The following ACTN1 variants were observed in gnomAD, a reference collection of about 807,000 sequenced individuals.
ACTN1 encodes the protein actinin alpha 1.
ACTN1 carries 30 observed loss-of-function variants against 119.6 expected under a neutral mutation model. The observed-to-expected ratio is 0.25, with a 90% CI of 0.19 to 0.34. The LOEUF (loss-of-function observed/expected upper bound fraction) is 0.34. Among genes scored for constraint, ACTN1 ranks in the 10% least tolerant of loss-of-function variants. The pLI, the probability that ACTN1 is intolerant of heterozygous loss-of-function variation, is 1.00. For synonymous variants in ACTN1, 429 were observed against 472.6 expected (o/e 0.91, Z 1.20); for missense variants, 764 against 1,223.4 (o/e 0.62, Z 5.60).
chr14:68,889,498 A>T (rs1265225229), intron 11 of ACTN1, among the ~76,000 whole-genome samples: 1 of 152,244 alleles, frequency 6.6e-6, no homozygotes. Flanking sequence ...ATAATTCCTT[A>T]AGATGACATT....
intron 14 of ACTN1, 111 bp from the exon 15 acceptor site, chr14:68,883,166 A>G (rs957125710): frequency 7.0e-6 from 8 of 1,150,794 alleles, no homozygotes; most frequent in African/African-American, 1.5e-5. Context: ...GGAGGCATCA[A>G]TTCAAAGATT....
intron 1 of ACTN1, among the ~76,000 whole-genome samples, chr14:68,973,165 C>T (rs1240246743): frequency 2.6e-5 from 4 of 152,122 alleles, no homozygotes; most frequent in African/African-American, 4.8e-5. Flanking sequence ...CCTCTCCATG[C>T]GTTTCCCCCC....
rs139768157 is a variant in ACTN1, at chr14:68,945,689, G to T, written c.106-20017C>A. Among the ~76,000 whole-genome samples, 58 of 152,278 alleles carry T rather than the reference G, an allele frequency of 3.8e-4. No individual in the cohort carries two copies. The East Asian group carries it at 7.9e-3, about 21-fold the overall frequency. On this transcript the variant is annotated intron_variant, in intron 1 of 21. Transcript: ENST00000394419. ...GGAGAGACGGGGAGGAGGGGCAGAG[G>T]CCACACCCAGATTTTCAGACCTGAG...
rs934582310 is a variant in ACTN1, at chr14:68,884,152, T to C, written c.1635+16A>G. The stretch of plus-strand genomic sequence containing the variant: ...CCCAGGGGAGCCAGCCTCCGGGGAG[T>C]GGAGGTGGGGCTCACCTGGATCTCC... On this transcript the variant is annotated intron_variant, in intron 14 of 21. Coordinates refer to ENST00000394419, the MANE Select transcript of ACTN1 (RefSeq NM_001130004.2). 2 of 1,598,228 alleles carry C rather than the reference T, an allele frequency of 1.3e-6. No homozygotes were observed. The highest frequency in any genetic ancestry group is 1.1e-5 in the South Asian group (1 of 89,524).
At chr14:68,905,230 G>T (rs991206059) in intron 6 of ACTN1, among the ~76,000 whole-genome samples, 1 of 118,242 alleles carries the variant, frequency 8.5e-6, no homozygotes, top group Non-Finnish European at 2.0e-5. Flanking sequence ...CATGAAATTT[G>T]GGGGCTCCTT....
At chr14:68,881,621 G>A (rs898900851) in intron 16 of ACTN1, among the ~76,000 whole-genome samples, 2 of 152,172 alleles carry the variant, frequency 1.3e-5, no homozygotes, top group African/African-American at 2.4e-5. Flanking sequence ...GCAGGGGAGC[G>A]ACACATACCA....
At position 68,880,099 on chromosome 14, in the gene ACTN1, C is replaced by T; in HGVS notation, c.2143G>A (p.Val715Met). The T allele has an allele frequency of 6.2e-7, 1 of 1,613,984 alleles. No individual in the cohort carries two copies. Among genetic ancestry groups the T allele is most frequent in the South Asian group, 1.1e-5 (1 of 91,078 alleles). ...HTNYTMEHIR[V>M]GWEQLLTTIA... Reference sequence around the variant, plus strand: ...GTGGTGAGCAGCTGCTCCCAGCCCACACGGATGTGCTGCAGGACGGCAAGG... The same window carrying T: ...GTGGTGAGCAGCTGCTCCCAGCCCATACGGATGTGCTGCAGGACGGCAAGG... The change falls in exon 18 of 22, where the codon GTG (valine) becomes ATG (methionine). Residue 715 changes from valine (V) to methionine (M), a missense_variant. Physicochemically the swap from Val to Met is conservative, Grantham distance 21. Around this residue, in one of 4 missense-constraint regions of ACTN1, gnomAD observed 544 missense variants for 912.0 expected, o/e 0.60. Coordinates refer to ENST00000394419, the MANE Select transcript of ACTN1 (RefSeq NM_001130004.2). This position sits in a 1 kb window ranked among gnomAD's most constrained non-coding sequence, Gnocchi z 4.6.
intron 1 of ACTN1, among the ~76,000 whole-genome samples, chr14:68,959,667 A>G (rs1017738758): frequency 1.3e-5 from 2 of 152,200 alleles, no homozygotes; most frequent in African/African-American, 4.8e-5. Context: ...TAAAAAAATC[A>G]AACTCATAGA....
intron 1 of ACTN1, among the ~76,000 whole-genome samples, chr14:68,952,196 A>T (rs1235950197): frequency 2.0e-5 from 3 of 152,198 alleles, no homozygotes; most frequent in African/African-American, 7.2e-5. Context: ...GGTAGTCTAG[A>T]CATCCTAGGG....
rs888612219 is a variant in ACTN1, at chr14:68,877,298, T to G, written c.2428-58A>C. ...CCCATGGCCTGCTGGGAATATCTCATATGGACTGAAGACCCTGGGGGCTCA... is the reference window on the plus strand; with the variant it reads ...CCCATGGCCTGCTGGGAATATCTCAGATGGACTGAAGACCCTGGGGGCTCA... On this transcript the variant is annotated intron_variant, in intron 20 of 21. Coordinates refer to ENST00000394419, the MANE Select transcript of ACTN1 (RefSeq NM_001130004.2). 3.1e-6 allele frequency: 5 copies of G among 1,601,238 alleles called. No homozygotes were observed. The Admixed American group carries it at 8.4e-5, about 27-fold the overall frequency.
intron 1 of ACTN1, among the ~76,000 whole-genome samples, chr14:68,944,266 G>A (rs113144753): frequency 3.3e-5 from 5 of 152,208 alleles, no homozygotes; most frequent in African/African-American, 1.2e-4. Flanking sequence ...TAATTAAAGG[G>A]GCCACCAAGC....
At chr14:68,970,721 G>A (rs913653889) in intron 1 of ACTN1, among the ~76,000 whole-genome samples, 5 of 152,224 alleles carry the variant, frequency 3.3e-5, no homozygotes, top group African/African-American at 9.6e-5. Context: ...ATTCCTGACA[G>A]TTACTGCTTC....
chr14:68,885,032 C>A lies in ACTN1; in HGVS notation c.1386-149G>T. 3 of 654,268 alleles carry A rather than the reference C, an allele frequency of 4.6e-6. No homozygotes were observed. The highest frequency in any genetic ancestry group is 8.0e-6 in the Non-Finnish European group (3 of 376,424). 40.5% of individuals were successfully genotyped at this position (654,268 alleles called of 1,614,324 possible). On this transcript the variant is annotated intron_variant, in intron 12 of 21. Coordinates refer to ENST00000394419, the MANE Select transcript of ACTN1 (RefSeq NM_001130004.2). This position sits in a 1 kb window ranked among gnomAD's most constrained non-coding sequence, Gnocchi z 5.6. ...AGAGACCTTCCAGGCACTCCTTCCACCCCTCCCCTCTTTCAGGAGACTGGC... is the reference window on the plus strand; with the variant it reads ...AGAGACCTTCCAGGCACTCCTTCCAACCCTCCCCTCTTTCAGGAGACTGGC...
At position 68,909,972 on chromosome 14, in the gene ACTN1, G is replaced by T. The variant is rs1022027287; in HGVS notation, c.498C>A (p.Ile166=). ...RKTAPYKNVN[I]QNFHISWKDG... is the part of the protein sequence containing the mutation. The stretch of plus-strand genomic sequence containing the variant: ...GCACTCACCTTATGTGGAAGTTCTG[G>T]ATGTTGACATTTTTGTAAGGGGCTG... The change falls in exon 5 of 22, where the codon ATC becomes ATA. Residue 166 remains isoleucine, a synonymous_variant. Coordinates refer to ENST00000394419, the MANE Select transcript of ACTN1 (RefSeq NM_001130004.2). This position sits in a 1 kb window ranked among gnomAD's most constrained non-coding sequence, Gnocchi z 4.1. 2.5e-6 allele frequency: 4 copies of T among 1,614,046 alleles called. No homozygotes were observed. The highest frequency in any genetic ancestry group is 3.4e-6 in the Non-Finnish European group (4 of 1,179,968).
At chr14:68,935,871 A>C (rs1019192956) in intron 1 of ACTN1, among the ~76,000 whole-genome samples, 6 of 147,972 alleles carry the variant, frequency 4.1e-5, no homozygotes, top group African/African-American at 1.4e-4. Context: ...CCCAGGCTCC[A>C]AACTCACGTG....
chr14:68,923,886 G>A (rs1026686343), intron 2 of ACTN1, among the ~76,000 whole-genome samples: 1 of 152,116 alleles, frequency 6.6e-6, no homozygotes, highest in Non-Finnish European at 1.5e-5. Context: ...AAAATGTGGG[G>A]AGCCATTTTA....
At chr14:68,977,573 C>G in intron 1 of ACTN1, 1 of 234,946 alleles carries the variant, frequency 4.3e-6, no homozygotes, top group South Asian at 4.7e-5. Flanking sequence ...TTTTAGATTA[C>G]CTCTGCCTGT....
intron 1 of ACTN1, among the ~76,000 whole-genome samples, chr14:68,972,276 T>A (rs1187959335): frequency 6.6e-6 from 1 of 152,086 alleles, no homozygotes; most frequent in Non-Finnish European, 1.5e-5. Context: ...CTCCCGCCCT[T>A]ATCTTCCTCT....
At position 68,909,221 on chromosome 14, in the gene ACTN1, C is replaced by T. The variant is rs2033846234; in HGVS notation, c.594+97G>A. The T allele has an allele frequency of 2.4e-6, 3 of 1,250,070 alleles. No homozygotes were observed. Among genetic ancestry groups the T allele is most frequent in the Admixed American group, 3.5e-5 (2 of 56,912 alleles). 77.4% of individuals were successfully genotyped at this position (1,250,070 alleles called of 1,614,324 possible). On this transcript the variant is annotated intron_variant, in intron 6 of 21. Coordinates refer to ENST00000394419, the MANE Select transcript of ACTN1 (RefSeq NM_001130004.2). This position sits in a 1 kb window ranked among gnomAD's most constrained non-coding sequence, Gnocchi z 4.1. ...TTCTAAGAGGCCAACACTGCTCAGG[C>T]TGGACCATGGACTGTCACAACAAGG...
Sources: gnomAD v4.1 joint callset for allele counts (sites outside exome capture counted in the v4.1 genomes callset) on GRCh38, gnomAD v4.1.1 for gene constraint, gnomAD v4.1.1 regional missense constraint, Gnocchi (gnomAD v3.1) non-coding constraint, MANE v1.5 for transcripts, NCBI Gene and HGNC (gene_info 2026-07-23, HGNC 2026-07-21) for gene names.